Variants in PDZD2 observed in about 807,000 individuals in gnomAD.
PDZD2 encodes the protein PDZ domain-containing protein 2.
PDZD2 carries 90 observed loss-of-function variants against 220.7 expected under a neutral mutation model. The ratio of observed to expected loss-of-function variants is 0.41; its 90% CI spans 0.34 to 0.49. PDZD2 has a LOEUF of 0.49. PDZD2 is among the 20% of genes least tolerant of loss of function. PDZD2 has a pLI of 0.28. For missense variants in PDZD2, 3,174 were observed against 3,608.5 expected, an observed-to-expected ratio of 0.88 and a Z score of 3.08; for synonymous variants, 1,375 against 1,450.5, an observed-to-expected ratio of 0.95 and a Z score of 1.18.
intron 23 of PDZD2, chr5:32,099,287 G>A (rs1744036050): frequency 6.6e-6 from 1 of 152,344 alleles, no homozygotes; most frequent in Non-Finnish European, 1.5e-5. Flanking sequence ...ATTCAGGGGT[G>A]ACGTCTTTTT....
intron 2 of PDZD2, among the ~76,000 whole-genome samples, chr5:31,980,094 AGT>A (rs538513047): frequency 1.6e-3 from 247 of 152,352 alleles, no homozygotes; most frequent in Non-Finnish European, 2.7e-3. Context: ...ACCATTTTAA[AGT>A]GTACATTTCA....
Position 31,678,082 on chromosome 5 carries a change from C to T in PDZD2, c.-361+38645C>T, listed in dbSNP as rs138255058. Among the ~76,000 whole-genome samples, 38 of 152,296 alleles carry T rather than the reference C, an allele frequency of 2.5e-4. No homozygotes were observed. The East Asian group carries it at 3.1e-3, about 12-fold the overall frequency. ...TGTGGTTTATTACATGTCAATTATACATCAGTAAAGGTCTTTATAAGGACT... is the reference window on the plus strand; with the variant it reads ...TGTGGTTTATTACATGTCAATTATATATCAGTAAAGGTCTTTATAAGGACT... On this transcript the variant is annotated intron_variant, in intron 1 of 24. Transcript: ENST00000438447.
intron 2 of PDZD2, among the ~76,000 whole-genome samples, chr5:31,976,700 T>C (rs948578940): frequency 4.2e-5 from 6 of 141,838 alleles, no homozygotes; most frequent in African/African-American, 1.6e-4. Flanking sequence ...TTTCTTTTCC[T>C]TTTTTTCTTC....
chr5:31,823,202 C>G, intron 2 of PDZD2: 1 of 367,346 alleles, frequency 2.7e-6, no homozygotes, highest in East Asian at 7.4e-5. Flanking sequence ...TTTTGTGGCT[C>G]ACGCCTGTAA....
At position 32,097,301 on chromosome 5, in the gene PDZD2, T is replaced by C. The variant is rs1197329262; in HGVS notation, c.7868T>C (p.Ile2623Thr). Residue 2623 changes from isoleucine to threonine, a missense_variant, in exon 22 of 25, where the codon ATA (isoleucine) becomes ACA (threonine). Physicochemically the swap from Ile to Thr is moderately conservative, Grantham distance 89 (BLOSUM62 -1). Coordinates refer to ENST00000438447, the MANE Select transcript of PDZD2 (RefSeq NM_178140.4). ...TAGAATGAAGAAGATGTTTGCTTCA[T>C]AGTCTTGAATAGAAAAGAAGGCTCA... ...QSENEEDVCFIVLNRKEGSGL... is the reference protein window; with the variant it reads ...QSENEEDVCFTVLNRKEGSGL... The C allele has an allele frequency of 6.2e-6, 10 of 1,611,586 alleles. No individual in the cohort carries two copies. Among genetic ancestry groups the C allele is most frequent in the African/African-American group, 5.3e-5 (4 of 74,884 alleles).
At chr5:31,689,353 A>ATATAT in intron 1 of PDZD2, among the ~76,000 whole-genome samples, 2 of 35,144 alleles carry the variant, frequency 5.7e-5, no homozygotes, top group African/African-American at 2.1e-4. Flanking sequence ...ATATATATAT[A>ATATAT]TTTTTTTTTT....
intron 1 of PDZD2, among the ~76,000 whole-genome samples, chr5:31,684,049 C>T (rs1746752289): frequency 6.6e-6 from 1 of 152,074 alleles, no homozygotes; most frequent in Non-Finnish European, 1.5e-5. Context: ...AGGCAATTGC[C>T]TCAACACCAG....
chr5:31,992,140 T>C (rs1186877250), intron 3 of PDZD2, among the ~76,000 whole-genome samples: 1 of 152,192 alleles, frequency 6.6e-6, no homozygotes, highest in East Asian at 1.9e-4. Context: ...TGATCAGAAA[T>C]TCCAAGGTGA....
chr5:31,794,589 G>T (rs374442453), intron 1 of PDZD2, among the ~76,000 whole-genome samples: 9 of 151,808 alleles, frequency 5.9e-5, no homozygotes, highest in African/African-American at 2.2e-4. Context: ...TTGTTTAGTA[G>T]AGATCAGGGG....
chr5:32,017,570 A>G (rs1437034557), intron 6 of PDZD2, among the ~76,000 whole-genome samples: 5 of 152,240 alleles, frequency 3.3e-5, no homozygotes, highest in Admixed American at 1.3e-4. Context: ...TGGGATAAGA[A>G]TATCAGTGAT....
chr5:31,694,402 C>CA (rs1554063832), intron 1 of PDZD2, among the ~76,000 whole-genome samples: 1 of 151,510 alleles, frequency 6.6e-6, no homozygotes, highest in Non-Finnish European at 1.5e-5. Context: ...AAAAAACAAA[C>CA]AAAAAAACAA....
Position 32,098,305 on chromosome 5 carries a change from T to C in PDZD2, c.7948-59T>C, listed in dbSNP as rs1743921359. On this transcript the variant is annotated intron_variant, in intron 22 of 24. Coordinates refer to ENST00000438447, the MANE Select transcript of PDZD2 (RefSeq NM_178140.4). This position sits in a 1 kb window ranked among gnomAD's most constrained non-coding sequence, Gnocchi z 4.1. Reference sequence around the variant, plus strand: ...GATACGCAGTTAGTTACTATCTCCCTTTTACCGGAAATCGTAAGTGGATCT... The same window carrying C: ...GATACGCAGTTAGTTACTATCTCCCCTTTACCGGAAATCGTAAGTGGATCT... 1 of 1,540,162 alleles carries C rather than the reference T, an allele frequency of 6.5e-7. No individual in the cohort carries two copies. Among genetic ancestry groups the C allele is most frequent in the South Asian group, 1.2e-5 (1 of 84,980 alleles).
chr5:31,777,715 A>C (rs967678484), intron 1 of PDZD2, among the ~76,000 whole-genome samples: 1 of 152,088 alleles, frequency 6.6e-6, no homozygotes, highest in Non-Finnish European at 1.5e-5. Flanking sequence ...TCTGGTGGGG[A>C]CTTGGAGAAC....
Position 32,039,594 on chromosome 5 carries a change from G to T in PDZD2, c.1519+2252G>T, listed in dbSNP as rs577815566. ...CGTCTGGGATGTGAGGAGCCCCTCTGCCCGGCCACCCCGTCTGGGAAGTGA... is the reference window on the plus strand; with the variant it reads ...CGTCTGGGATGTGAGGAGCCCCTCTTCCCGGCCACCCCGTCTGGGAAGTGA... On this transcript the variant is annotated intron_variant, in intron 7 of 24. Transcript: ENST00000438447. 1.5e-3 allele frequency among the ~76,000 whole-genome samples: 223 copies of T among 152,072 alleles called. 1 individual carries two copies. The highest frequency in any genetic ancestry group is 5.0e-3 in the African/African-American group (207 of 41,480).
At chr5:31,885,033 C>T (rs955055777) in intron 2 of PDZD2, among the ~76,000 whole-genome samples, 1 of 149,870 alleles carries the variant, frequency 6.7e-6, no homozygotes, top group Non-Finnish European at 1.5e-5. Context: ...GAGAAACGTA[C>T]AAAACAGAAT....
intron 2 of PDZD2, among the ~76,000 whole-genome samples, chr5:31,903,319 A>T (rs1415808752): frequency 2.0e-5 from 3 of 151,892 alleles, no homozygotes; most frequent in Non-Finnish European, 4.4e-5. Context: ...TAAAATTAAA[A>T]TAAAAAAATA....
Position 31,956,874 on chromosome 5 carries a change from A to T in PDZD2, c.477-26281A>T, listed in dbSNP as rs112849348. Among the ~76,000 whole-genome samples the T allele has an allele frequency of 7.2e-3, 1,096 of 151,622 alleles. 13 individuals are homozygous for T. Among genetic ancestry groups the T allele is most frequent in the African/African-American group, 0.026 (1,072 of 41,364 alleles). ...ATGGATAGATGACTTTGACATCTCC[A>T]TTAGGTTTGCCTTTTATTTTTATTT... On this transcript the variant is annotated intron_variant, in intron 2 of 24. Transcript: ENST00000438447.
chr5:32,099,607 C>T (rs1319101215), intron 23 of PDZD2: 1 of 152,276 alleles, frequency 6.6e-6, no homozygotes, highest in African/African-American at 2.4e-5. Context: ...CAGATCTTGT[C>T]ATGCTTGCCT....
rs143000710 is a variant in PDZD2 at position 31,937,627 on chromosome 5, G to A, written c.477-45528G>A. ...CACATCATTGCTAGTCTCTCTTTCC[G>A]TGTGATTTCTCAGCATTACACAGCT... On this transcript the variant is annotated intron_variant, in intron 2 of 24. Transcript: ENST00000438447. Among the ~76,000 whole-genome samples, 880 of 152,318 alleles carry A rather than the reference G, an allele frequency of 5.8e-3. 10 individuals carry two copies. Among genetic ancestry groups the A allele is most frequent in the African/African-American group, 0.02 (828 of 41,562 alleles).
Sources: gnomAD v4.1 joint callset for allele counts (sites outside exome capture counted in the v4.1 genomes callset) on GRCh38, gnomAD v4.1.1 for gene constraint, Gnocchi (gnomAD v3.1) non-coding constraint, MANE v1.5 for transcripts, NCBI Gene and HGNC (gene_info 2026-07-23, HGNC 2026-07-21) for gene names.